CD200R1: variants seen among roughly 807,000 people sequenced by gnomAD.
CD200R1 encodes CD200 receptor 1, also known as cell surface glycoprotein CD200 receptor 1.
CD200R1 carries 30 observed loss-of-function variants against 38.1 expected under a neutral mutation model. The ratio of observed to expected loss-of-function variants is 0.79; its 90% CI spans 0.59 to 1.07. The LOEUF (loss-of-function observed/expected upper bound fraction) is 1.07. CD200R1 is among the 50% of genes least tolerant of loss of function. The pLI, the probability that CD200R1 is intolerant of heterozygous loss-of-function variation, is 0.00. For missense variants in CD200R1, 372 were observed against 415.4 expected, an observed-to-expected ratio of 0.90 and a Z score of 0.91; for synonymous variants, 128 against 152.1, an observed-to-expected ratio of 0.84 and a Z score of 1.16.
chr3:112,971,448 A>G (rs1188178283), intron 1 of CD200R1, among the ~76,000 whole-genome samples: 1 of 152,054 alleles, frequency 6.6e-6, no homozygotes, highest in Non-Finnish European at 1.5e-5. Flanking sequence ...CCCTTCCTAT[A>G]CTGAATTTAA....
rs1384831804 is a variant in CD200R1, at chr3:112,946,212, A to T, written c.136+1644T>A. 2.0e-5 allele frequency among the ~76,000 whole-genome samples: 3 copies of T among 152,202 alleles called. No individual in the cohort carries two copies. The East Asian group carries it at 5.8e-4, about 29-fold the overall frequency. Reference sequence around the variant, plus strand: ...GCATATAACCACCTGTATTTTTTAAATCGTCTCTAGATTACTTATAATACC... The same window carrying T: ...GCATATAACCACCTGTATTTTTTAATTCGTCTCTAGATTACTTATAATACC... On this transcript the variant is annotated intron_variant, in intron 2 of 7. Transcript: ENST00000308611.
At chr3:112,924,377 C>A in intron 7 of CD200R1, 113 bp downstream of exon 7, 1 of 716,372 alleles carries the variant, frequency 1.4e-6, no homozygotes, top group Non-Finnish European at 1.9e-6. Flanking sequence ...CAAGTCAGAA[C>A]TGTTTTAGTT....
chr3:112,957,208 A>G lies in CD200R1; in HGVS notation c.68-9284T>C, dbSNP rs577935756. On this transcript the variant is annotated intron_variant, in intron 1 of 7. Transcript: ENST00000308611. ...TATATCTTTTCTTATTAATATACTT[A>G]TAACTAGGCACTGTGTTCTCTCACT... Among the ~76,000 whole-genome samples the G allele has an allele frequency of 3.3e-5, 5 of 152,332 alleles. No individual in the cohort carries two copies. In the South Asian group the frequency reaches 1.0e-3, roughly 32 times the overall value.
chr3:112,947,938 A>G lies in CD200R1; in HGVS notation c.68-14T>C, dbSNP rs72952146. On this transcript the variant is annotated splice_polypyrimidine_tract_variant and intron_variant, in intron 1 of 7. Transcript: ENST00000308611. The stretch of plus-strand genomic sequence containing the variant: ...CACCCTCCGCTTCTGAATTTTGAAA[A>G]AGACATAGGGGGTAGAGAGAGAAAT... The G allele has an allele frequency of 2.0e-3, 3,055 of 1,565,582 alleles. 56 individuals are homozygous for G. In the African/African-American group the frequency reaches 0.036, roughly 19 times the overall value.
chr3:112,961,615 T>C (rs985505469), intron 1 of CD200R1, among the ~76,000 whole-genome samples: 1 of 151,626 alleles, frequency 6.6e-6, no homozygotes, highest in African/African-American at 2.4e-5. Flanking sequence ...AATCCTGATA[T>C]AAAACATGGA....
intron 1 of CD200R1, among the ~76,000 whole-genome samples, chr3:112,951,758 T>C (rs996247911): frequency 6.7e-6 from 1 of 150,120 alleles, no homozygotes; most frequent in Non-Finnish European, 1.5e-5. Context: ...AATTGGAAAA[T>C]GAAATTTTAA....
At chr3:112,924,623 A>G (rs967097228) in intron 6 of CD200R1, 88 bp from the exon 7 acceptor site, 3 of 757,390 alleles carry the variant, frequency 4.0e-6, no homozygotes, top group Non-Finnish European at 5.3e-6. Context: ...ACTATTGACA[A>G]TTGTGTTTAA....
chr3:112,958,464 G>A (rs771449842), intron 1 of CD200R1, among the ~76,000 whole-genome samples: 8 of 152,100 alleles, frequency 5.3e-5, no homozygotes, highest in Admixed American at 1.3e-4. Context: ...GTGATTGCCC[G>A]CAAATGAGGA....
At chr3:112,967,744 CTG>C (rs1933204075) in intron 1 of CD200R1, among the ~76,000 whole-genome samples, 1 of 152,186 alleles carries the variant, frequency 6.6e-6, no homozygotes, top group African/African-American at 2.4e-5. Context: ...TGAATACTTG[CTG>C]TCATTTCAAG....
intron 1 of CD200R1, among the ~76,000 whole-genome samples, chr3:112,969,415 A>G (rs900297288): frequency 3.3e-5 from 5 of 152,250 alleles, no homozygotes; most frequent in Non-Finnish European, 2.9e-5. Flanking sequence ...TACCAGGTAG[A>G]AACTTGGAAA....
chr3:112,923,864 T>TAAC, intron 7 of CD200R1, 65 bp from the exon 8 acceptor site: 1 of 1,028,674 alleles, frequency 9.7e-7, no homozygotes, highest in South Asian at 1.6e-5. Context: ...TGTATTTTTG[T>TAAC]AACAGTTGCC....
At chr3:112,963,132 G>T (rs1933064955) in intron 1 of CD200R1, among the ~76,000 whole-genome samples, 1 of 152,180 alleles carries the variant, frequency 6.6e-6, no homozygotes, top group South Asian at 2.1e-4. Context: ...GGCCTTCCCA[G>T]TCACATAGAA....
intron 2 of CD200R1, among the ~76,000 whole-genome samples, chr3:112,943,994 ATAAT>A (rs1386577004): frequency 1.1e-4 from 17 of 151,944 alleles, no homozygotes; most frequent in Admixed American, 1.0e-3. Flanking sequence ...AATTGAATCA[ATAAT>A]TAATAACCTT....
At chr3:112,962,576 G>A (rs544032084) in intron 1 of CD200R1, among the ~76,000 whole-genome samples, 65 of 152,242 alleles carry the variant, frequency 4.3e-4, no homozygotes, top group African/African-American at 1.5e-3. Context: ...GCAGCACTAA[G>A]TACTTTACCT....
intron 1 of CD200R1, among the ~76,000 whole-genome samples, chr3:112,966,483 A>T (rs1032886548): frequency 2.6e-5 from 4 of 152,240 alleles, no homozygotes; most frequent in African/African-American, 9.6e-5. Flanking sequence ...GGGGATCTGT[A>T]AACATTTACC....
chr3:112,964,706 T>G (rs1933113369), intron 1 of CD200R1, among the ~76,000 whole-genome samples: 1 of 152,072 alleles, frequency 6.6e-6, no homozygotes, highest in African/African-American at 2.4e-5. Context: ...GACTTTTGAG[T>G]TAATGCTGAA....
At chr3:112,928,751 T>C in intron 5 of CD200R1, 65 bp downstream of exon 5, 1 of 1,305,906 alleles carries the variant, frequency 7.7e-7, no homozygotes, top group Non-Finnish European at 1.1e-6. Context: ...TGCACATCTT[T>C]TTTTTTCTTA....
intron 1 of CD200R1, among the ~76,000 whole-genome samples, chr3:112,970,653 A>G (rs1437285770): frequency 2.7e-5 from 4 of 146,924 alleles, no homozygotes; most frequent in African/African-American, 8.0e-5. Context: ...GACACAACAT[A>G]AAATCAAACA....
At chr3:112,946,032 CAA>C (rs1208921538) in intron 2 of CD200R1, among the ~76,000 whole-genome samples, 10 of 71,846 alleles carry the variant, frequency 1.4e-4, no homozygotes, top group African/African-American at 2.8e-4. Flanking sequence ...GACTCCGTCT[CAA>C]AAAAAAAAAA....
Sources: gnomAD v4.1 joint callset for allele counts (sites outside exome capture counted in the v4.1 genomes callset) on GRCh38, gnomAD v4.1.1 for gene constraint, MANE v1.5 for transcripts, NCBI Gene and HGNC (gene_info 2026-07-23, HGNC 2026-07-21) for gene names.